The following ZMYM4 variants were observed in gnomAD, a reference collection of about 807,000 sequenced individuals.
ZMYM4 encodes the protein zinc finger MYM-type protein 4.
Under a neutral mutation model 183.2 loss-of-function variants are expected in ZMYM4, and 31 were observed. The observed-to-expected ratio is 0.17, with a 90% CI of 0.13 to 0.23. ZMYM4 has a LOEUF of 0.23. Among genes scored for constraint, ZMYM4 ranks in the 10% least tolerant of loss-of-function variants. ZMYM4 has a pLI of 1.00. For missense variants in ZMYM4, 1,273 were observed against 1,840.3 expected (o/e 0.69, Z 5.64); for synonymous variants, 592 against 631.2 (o/e 0.94, Z 0.93).
At chr1:35,309,107 T>C in intron 1 of ZMYM4, 1 of 886,086 alleles carries the variant, frequency 1.1e-6, no homozygotes, top group Non-Finnish European at 1.4e-6. Flanking sequence ...TGACTAAATA[T>C]GGATGCCAAC....
At chr1:35,407,502 T>C (rs182013713) in intron 25 of ZMYM4, among the ~76,000 whole-genome samples, 104 of 152,274 alleles carry the variant, frequency 6.8e-4, no homozygotes, top group Non-Finnish European at 1.5e-4. Flanking sequence ...GAGCCTTTAA[T>C]GTACCATTAA....
intron 2 of ZMYM4, chr1:35,351,689 CAAAAAAA>C (rs1643612911): frequency 2.1e-6 from 1 of 472,480 alleles, no homozygotes; most frequent in Non-Finnish European, 3.8e-6. Context: ...AAACAGAAAT[CAAAAAAA>C]CAAAAAACAA....
At chr1:35,323,280 G>A (rs1179129978) in intron 1 of ZMYM4, among the ~76,000 whole-genome samples, 1 of 152,178 alleles carries the variant, frequency 6.6e-6, no homozygotes, top group Non-Finnish European at 1.5e-5. Context: ...GGGATTACAG[G>A]CGTGAGCCAC....
At chr1:35,351,204 C>A in intron 2 of ZMYM4, 5 of 1,406,578 alleles carry the variant, frequency 3.6e-6, no homozygotes, top group Non-Finnish European at 5.0e-6. Flanking sequence ...TTTGGGTACC[C>A]TGAAGGGCGC....
chr1:35,301,301 C>G (rs918010652), intron 1 of ZMYM4, among the ~76,000 whole-genome samples: 1 of 152,132 alleles, frequency 6.6e-6, no homozygotes, highest in African/African-American at 2.4e-5. Context: ...AATCCCAGCA[C>G]TTTGGGAGGC....
At chr1:35,342,836 A>G (rs1486699222) in intron 2 of ZMYM4, among the ~76,000 whole-genome samples, 2 of 151,760 alleles carry the variant, frequency 1.3e-5, no homozygotes, top group Non-Finnish European at 2.9e-5. Context: ...ACGCCCAGCT[A>G]CTTTTTTTTT....
intron 7 of ZMYM4, among the ~76,000 whole-genome samples, chr1:35,372,262 C>A (rs1320509625): frequency 6.6e-6 from 1 of 152,076 alleles, no homozygotes; most frequent in Non-Finnish European, 1.5e-5. Context: ...AAAAATATAT[C>A]TTTGAGTTAT....
chr1:35,336,331 A>C (rs1642973987), intron 2 of ZMYM4, among the ~76,000 whole-genome samples: 1 of 151,884 alleles, frequency 6.6e-6, no homozygotes, highest in Admixed American at 6.6e-5. Context: ...CATCATGTTG[A>C]ACCTTGTGGT....
In ZMYM4 at chr1:35,290,513, G is replaced by A. The variant is rs1640709159; in HGVS notation, c.39+21428G>A. ...TGCAGTGGTGCAATCATAGCTCACT[G>A]CAGCTTTGAACTCCTGAGCTCAAGG... On this transcript the variant is annotated intron_variant, in intron 1 of 29. Coordinates refer to ENST00000314607, the MANE Select transcript of ZMYM4 (RefSeq NM_005095.3). Among the ~76,000 whole-genome samples, 3 of 152,130 alleles carry A rather than the reference G, an allele frequency of 2.0e-5. No homozygotes were observed. In the South Asian group the frequency reaches 6.2e-4, roughly 32 times the overall value.
chr1:35,281,652 CAT>C, intron 1 of ZMYM4, among the ~76,000 whole-genome samples: 1 of 69,750 alleles, frequency 1.4e-5, no homozygotes, highest in East Asian at 4.5e-4. Flanking sequence ...AAAAGCAAAT[CAT>C]ATAATAAATA....
At chr1:35,357,772 G>T (rs1643866798) in intron 2 of ZMYM4, among the ~76,000 whole-genome samples, 1 of 152,150 alleles carries the variant, frequency 6.6e-6, no homozygotes, top group African/African-American at 2.4e-5. Flanking sequence ...GTTGAATATA[G>T]ACATCCGAAA....
intron 1 of ZMYM4, among the ~76,000 whole-genome samples, chr1:35,283,847 T>C (rs370392313): frequency 1.3e-5 from 2 of 152,210 alleles, no homozygotes; most frequent in East Asian, 3.8e-4. Flanking sequence ...TTTTAGGAAT[T>C]GTTTTTATAT....
At chr1:35,282,998 T>G (rs1040248940) in intron 1 of ZMYM4, among the ~76,000 whole-genome samples, 12 of 111,106 alleles carry the variant, frequency 1.1e-4, no homozygotes, top group African/African-American at 4.0e-4. Context: ...TTTTTTTTTT[T>G]TTTTTTTTTT....
intron 10 of ZMYM4, 109 bp from the exon 11 acceptor site, chr1:35,385,965 C>A: frequency 1.5e-6 from 1 of 689,550 alleles, no homozygotes; most frequent in Non-Finnish European, 2.2e-6. Flanking sequence ...GTTCCTACAA[C>A]TTACCCTGGC....
chr1:35,413,996 G>C lies in ZMYM4; in HGVS notation c.3973G>C (p.Asp1325His). 1 of 1,570,202 alleles carries C rather than the reference G, an allele frequency of 6.4e-7. No homozygotes were observed. Among genetic ancestry groups the C allele is most frequent in the Non-Finnish European group, 8.6e-7 (1 of 1,159,374 alleles). Residue 1325 changes from aspartate to histidine, a missense_variant, in exon 27 of 30, where the codon GAT (aspartate) becomes CAT (histidine). This residue lies in a region of ZMYM4 where 145 missense variants were observed against 331.6 expected (regional missense o/e 0.44). Transcript: ENST00000314607. ...QQYLFENGRIDNIFTEPYSRF... is the reference protein window; with the variant it reads ...QQYLFENGRIHNIFTEPYSRF... ...GTACCTGTTTGAAAATGGTAGAATA[G>C]ATAACATTTTTACTGAGCCCTATTC...
At chr1:35,302,675 G>A (rs984316018) in intron 1 of ZMYM4, among the ~76,000 whole-genome samples, 3 of 151,952 alleles carry the variant, frequency 2.0e-5, no homozygotes, top group Non-Finnish European at 2.9e-5. Context: ...GTGAGCCACA[G>A]CGCCCAGCCT....
At position 35,387,123 on chromosome 1, in the gene ZMYM4, G is replaced by A. The variant is rs1200834512; in HGVS notation, c.1957G>A (p.Val653Ile). The A allele has an allele frequency of 6.2e-7, 1 of 1,614,224 alleles. No individual in the cohort carries two copies. Among genetic ancestry groups the A allele is most frequent in the Non-Finnish European group, 8.5e-7 (1 of 1,180,042 alleles). ...VSAGGGSTSA[V>I]SPTSISSSAA... Reference sequence around the variant, plus strand: ...AGCCGGAGGAGGTAGCACATCTGCTGTTTCTCCCACCTCCATCAGTAGCTC... The same window carrying A: ...AGCCGGAGGAGGTAGCACATCTGCTATTTCTCCCACCTCCATCAGTAGCTC... Residue 653 changes from valine to isoleucine, a missense_variant, in exon 12 of 30, where the codon GTT (valine) becomes ATT (isoleucine). Val to Ile is a conservative substitution (Grantham distance 29). Transcript: ENST00000314607.
intron 9 of ZMYM4, among the ~76,000 whole-genome samples, chr1:35,385,099 C>G (rs1644547830): frequency 6.6e-6 from 1 of 152,140 alleles, no homozygotes; most frequent in Admixed American, 6.5e-5. Context: ...CCCACCTCGG[C>G]CTCCCGATGT....
At chr1:35,391,482 G>A (rs1388798566) in intron 15 of ZMYM4, among the ~76,000 whole-genome samples, 1 of 152,038 alleles carries the variant, frequency 6.6e-6, no homozygotes, top group Non-Finnish European at 1.5e-5. Flanking sequence ...AAAGCTAGAA[G>A]AATTTAAGTG....
Sources: allele counts gnomAD v4.1 joint callset (sites outside exome capture counted in the v4.1 genomes callset), GRCh38; gene constraint gnomAD v4.1.1; regional missense constraint gnomAD v4.1.1; transcripts MANE v1.5; gene names NCBI Gene and HGNC (gene_info 2026-07-23, HGNC 2026-07-21).